The following F8 variants were observed in gnomAD, a reference collection of about 807,000 sequenced individuals.
F8 encodes coagulation factor VIII.
A neutral mutation model predicts 140.6 loss-of-function variants in F8; 12 were observed. That is an observed-to-expected ratio of 0.09 (90% CI 0.05 to 0.14). The LOEUF (loss-of-function observed/expected upper bound fraction) is 0.14. Ranked by LOEUF, F8 falls within the 10% of genes least tolerant of loss-of-function variation. The pLI, the probability that F8 is intolerant of heterozygous loss-of-function variation, is 1.00. For missense variants in F8, 1,354 were observed against 1,720.7 expected, an observed-to-expected ratio of 0.79 and a Z score of 3.77; for synonymous variants, 585 against 614.6, an observed-to-expected ratio of 0.95 and a Z score of 0.71.
intron 6 of F8, among the ~76,000 whole-genome samples, chrX:154,983,262 T>C (rs1000911900): frequency 8.9e-6 from 1 of 112,356 alleles, no homozygotes; most frequent in Non-Finnish European, 1.9e-5. Flanking sequence ...TGATGTAAAA[T>C]ATACATATGT....
chrX:154,981,312 G>A (rs1273813286), intron 6 of F8, among the ~76,000 whole-genome samples: 1 of 110,534 alleles, frequency 9.0e-6, no homozygotes, highest in Admixed American at 9.7e-5. Flanking sequence ...CACGCATCGA[G>A]TTGTTACCTT....
chrX:155,019,053 A>C, intron 1 of F8, among the ~76,000 whole-genome samples: 1 of 112,163 alleles, frequency 8.9e-6, no homozygotes, highest in Non-Finnish European at 1.9e-5. Flanking sequence ...TGAATAGTAG[A>C]TTTTACTCCA....
Position 154,966,032 on chromosome X carries a change from T to C in F8, c.1381A>G (p.Ile461Val), listed in dbSNP as rs1402206669. 2.5e-6 allele frequency: 3 copies of C among 1,209,556 alleles called. No homozygotes were observed. Among genetic ancestry groups the C allele is most frequent in the Non-Finnish European group, 3.4e-6 (3 of 894,773 alleles). The change falls in exon 9 of 26, where the codon ATT becomes GTT. Residue 461 changes from isoleucine (I) to valine (V), a missense_variant. This residue lies in a region of F8 where 252 missense variants were observed against 338.5 expected (regional missense o/e 0.74). Transcript: ENST00000360256. ...TDETFKTREA[I>V]QHESGILGPL... is the part of the protein sequence containing the mutation. The stretch of plus-strand genomic sequence containing the variant: ...CCCAAGATTCCTGATTCATGCTGAA[T>C]AGCTTCACGAGTCTTAAAGGTTTCA...
At chrX:154,965,831 G>A in intron 9 of F8, 139 bp downstream of exon 9, 1 of 578,629 alleles carries the variant, frequency 1.7e-6, no homozygotes, top group Non-Finnish European at 2.8e-6. Context: ...CATACAATCA[G>A]CTATTATTTG....
chrX:154,896,199 T>G lies in F8; in HGVS notation c.6307A>C (p.Ile2103Leu), dbSNP rs782693200. Reference sequence around the variant, plus strand: ...TTCTGACGGGCACCCTGGGTCTTGATGCCGTGAATAATCATTGGTGCCAAC... The same window carrying G: ...TTCTGACGGGCACCCTGGGTCTTGAGGCCGTGAATAATCATTGGTGCCAAC... ...DLLAPMIIHG[I>L]KTQGARQKFS... Residue 2103 changes from isoleucine (I) to leucine (L), a missense_variant, in exon 22 of 26, where the codon ATC becomes CTC. Physicochemically the swap from Ile to Leu is conservative, Grantham distance 5. This residue lies in a region of F8 where 316 missense variants were observed against 485.4 expected (regional missense o/e 0.65). Coordinates refer to ENST00000360256, the MANE Select transcript of F8 (RefSeq NM_000132.4). 8.3e-7 allele frequency: 1 copy of G among 1,209,519 alleles called. No individual in the cohort carries two copies. The highest frequency in any genetic ancestry group is 1.8e-5 in the African/African-American group (1 of 57,098).
At chrX:154,838,164 G>A (rs781832551) in intron 25 of F8, among the ~76,000 whole-genome samples, 2 of 112,227 alleles carry the variant, frequency 1.8e-5, no homozygotes, top group East Asian at 5.6e-4. Context: ...AACTGGTTTC[G>A]CACATGTTGG....
chrX:154,938,314 C>A (rs917074098), intron 13 of F8, among the ~76,000 whole-genome samples: 1 of 111,476 alleles, frequency 9.0e-6, no homozygotes, highest in Non-Finnish European at 1.9e-5. Flanking sequence ...AGATTCATGG[C>A]AAAGACAACA....
intron 13 of F8, among the ~76,000 whole-genome samples, chrX:154,939,640 C>T (rs781911237): frequency 0.068 from 7,605 of 112,262 alleles, 617 homozygotes; most frequent in African/African-American, 0.23. Context: ...ACTTAAATGT[C>T]CCTGTCTGAC....
intron 5 of F8, among the ~76,000 whole-genome samples, chrX:154,986,405 C>T (rs1378618240): frequency 9.0e-6 from 1 of 111,407 alleles, no homozygotes; most frequent in Non-Finnish European, 1.9e-5. Context: ...ATCCTCCCAC[C>T]TCAGCCTCCC....
intron 6 of F8, among the ~76,000 whole-genome samples, chrX:154,982,164 A>G (rs1557283696): frequency 1.8e-5 from 2 of 108,715 alleles, no homozygotes; most frequent in Non-Finnish European, 3.8e-5. Context: ...AGCCTGGGTG[A>G]CAGAACAAGA....
chrX:154,992,878 T>G (rs1557284775), intron 4 of F8, 58 bp downstream of exon 4: 1 of 1,055,422 alleles, frequency 9.5e-7, no homozygotes, highest in African/African-American at 1.8e-5. Flanking sequence ...ATAGATAGAT[T>G]CAGTTGTTTG....
chrX:154,937,011 AT>A (rs782480008), intron 13 of F8, among the ~76,000 whole-genome samples: 2 of 111,909 alleles, frequency 1.8e-5, no homozygotes, highest in Non-Finnish European at 3.8e-5. Context: ...TTTATAAAAT[AT>A]TTTAAACTCA....
rs1375060260 is a variant in F8 at position 154,880,222 on chromosome X, G to C, written c.6429+15855C>G. 6.3e-5 allele frequency among the ~76,000 whole-genome samples: 7 copies of C among 111,729 alleles called. No homozygotes were observed. The Admixed American group carries it at 6.6e-4, about 11-fold the overall frequency. Reference sequence around the variant, plus strand: ...ACACTATCCAATCAGTAATGTAGGGGATCAAATGCCACCTCAAAATATGCC... The same window carrying C: ...ACACTATCCAATCAGTAATGTAGGGCATCAAATGCCACCTCAAAATATGCC... On this transcript the variant is annotated intron_variant, in intron 22 of 25. Coordinates refer to ENST00000360256, the MANE Select transcript of F8 (RefSeq NM_000132.4).
At chrX:154,850,083 TTGTGTGTGTGTG>T (rs60052978) in intron 25 of F8, among the ~76,000 whole-genome samples, 53 of 96,072 alleles carry the variant, frequency 5.5e-4, no homozygotes, top group Non-Finnish European at 8.8e-4. Context: ...CAGGCTTGTT[TTGTGTGTGTGTG>T]TGTGTGTGTG....
At chrX:154,876,331 G>A in intron 22 of F8, among the ~76,000 whole-genome samples, 1 of 110,111 alleles carries the variant, frequency 9.1e-6, no homozygotes, top group Non-Finnish European at 1.9e-5. Flanking sequence ...GTGTTAGCCA[G>A]GATGGTCTCA....
chrX:154,987,347 C>A, intron 4 of F8, 42 bp from the exon 5 acceptor site: 1 of 1,111,219 alleles, frequency 9.0e-7, no homozygotes, highest in Non-Finnish European at 1.2e-6. Context: ...TTTAAAAAAT[C>A]TCATTGTAGG....
At chrX:154,898,002 G>T (rs2072991221) in intron 21 of F8, 1 of 112,570 alleles carries the variant, frequency 8.9e-6, no homozygotes, top group Admixed American at 9.4e-5. Flanking sequence ...AGGTGTTTCA[G>T]TGTAACTACA....
chrX:154,940,633 G>A (rs1557279661), intron 13 of F8, among the ~76,000 whole-genome samples: 1 of 111,859 alleles, frequency 8.9e-6, no homozygotes, highest in East Asian at 2.8e-4. Flanking sequence ...TAGCAAGGCA[G>A]GCCAACATTC....
chrX:154,911,297 C>T (rs1000375586), intron 14 of F8, among the ~76,000 whole-genome samples: 4 of 107,691 alleles, frequency 3.7e-5, no homozygotes, highest in Non-Finnish European at 7.7e-5. Flanking sequence ...CTGTGGGTGA[C>T]GAGGGGCAGG....
Sources: gnomAD v4.1 joint callset for allele counts (sites outside exome capture counted in the v4.1 genomes callset) on GRCh38, gnomAD v4.1.1 for gene constraint, gnomAD v4.1.1 regional missense constraint, MANE v1.5 for transcripts, NCBI Gene and HGNC (gene_info 2026-07-23, HGNC 2026-07-21) for gene names.